URI1: variants seen among roughly 807,000 people sequenced by gnomAD.
URI1 encodes the protein unconventional prefoldin RPB5 interactor 1.
In URI1, 39 loss-of-function variants were observed where a neutral mutation model predicts 60.2. The ratio of observed to expected loss-of-function variants is 0.65; its 90% confidence interval spans 0.50 to 0.85. The LOEUF (loss-of-function observed/expected upper bound fraction) is 0.85, where lower values mean the gene tolerates loss of function less well. Among genes scored for constraint, URI1 ranks in the 40% least tolerant of loss-of-function variants. The pLI is 0.00. For missense variants in URI1, 691 were observed against 665.9 expected (o/e 1.04, Z -0.42); for synonymous variants, 251 against 236.8 (o/e 1.06, Z -0.55).
chr19:30,008,969 T>C (rs377655402), intron 7 of URI1, 36 bp from the exon 8 acceptor site: 151 of 1,467,626 alleles, frequency 1.0e-4, no homozygotes, highest in Non-Finnish European at 1.3e-4. Flanking sequence ...AATTCTAGTA[T>C]GTTTGTTTGA....
At chr19:29,997,044 C>T (rs2055821503) in intron 4 of URI1, among the ~76,000 whole-genome samples, 2 of 152,086 alleles carry the variant, frequency 1.3e-5, no homozygotes, top group African/African-American at 4.8e-5. Flanking sequence ...TATGTATATT[C>T]ATAAGAGAAA....
intron 1 of URI1, among the ~76,000 whole-genome samples, chr19:29,959,447 A>C (rs1190536484): frequency 1.3e-5 from 2 of 152,158 alleles, no homozygotes; most frequent in African/African-American, 2.4e-5. Context: ...TTCTAACTTA[A>C]ATGTTTGGAA....
upstream of URI1, among the ~76,000 whole-genome samples, chr19:29,941,941 T>C (rs2055028521): frequency 6.6e-6 from 1 of 151,232 alleles, no homozygotes. Context: ...GCGGCTCTTG[T>C]TGCCGAGCGT....
intron 4 of URI1, among the ~76,000 whole-genome samples, chr19:29,993,742 G>C (rs1377303943): frequency 6.6e-6 from 1 of 152,098 alleles, no homozygotes; most frequent in Non-Finnish European, 1.5e-5. Flanking sequence ...AAACAACTAT[G>C]CTTCCTTTTC....
At chr19:29,962,303 G>T (rs1337112561) in intron 1 of URI1, among the ~76,000 whole-genome samples, 2 of 129,884 alleles carry the variant, frequency 1.5e-5, no homozygotes, top group Non-Finnish European at 3.4e-5. Flanking sequence ...ATTTTGTATT[G>T]TTATTTCCTC....
chr19:29,981,405 G>A (rs1466429523), intron 2 of URI1, among the ~76,000 whole-genome samples: 2 of 151,354 alleles, frequency 1.3e-5, no homozygotes, highest in African/African-American at 2.4e-5. Flanking sequence ...TTTCCCATAG[G>A]TTCTGTCTTG....
intron 2 of URI1, chr19:29,980,323 T>C (rs747616291): frequency 6.6e-6 from 1 of 152,126 alleles, no homozygotes; most frequent in Non-Finnish European, 1.5e-5. Flanking sequence ...GTGGATTCAA[T>C]TGAAACAAGT....
At chr19:30,000,644 G>A (rs568546763) in intron 4 of URI1, among the ~76,000 whole-genome samples, 10 of 151,828 alleles carry the variant, frequency 6.6e-5, no homozygotes, top group East Asian at 5.8e-4. Flanking sequence ...TGCTATTTTC[G>A]TTTTCTTTGT....
intron 2 of URI1, among the ~76,000 whole-genome samples, chr19:29,983,977 C>G (rs1192143996): frequency 6.6e-6 from 1 of 152,176 alleles, no homozygotes; most frequent in African/African-American, 2.4e-5. Context: ...AGTTGATTCT[C>G]TCTTACCTTA....
In URI1 at chr19:30,011,576, G is replaced by A. The variant is rs149117209; in HGVS notation, c.1178+340G>A. Among the ~76,000 whole-genome samples, 888 of 151,356 alleles carry A rather than the reference G, an allele frequency of 5.9e-3. 10 individuals carry two copies. The highest frequency in any genetic ancestry group is 0.02 in the African/African-American group (844 of 41,232). ...TTCTACCACAGCCGTAACATGCTTG[G>A]CATGCAGTTTACCTTTTCAGAGTAG... On this transcript the variant is annotated intron_variant, in intron 9 of 10. Transcript: ENST00000392271.
At chr19:29,940,026 T>C (rs1217796235), upstream of URI1, among the ~76,000 whole-genome samples, 2 of 152,120 alleles carry the variant, frequency 1.3e-5, no homozygotes, top group Non-Finnish European at 2.9e-5. Context: ...GGATAATAGT[T>C]TAGAGGTGTG....
chr19:29,938,412 C>A (rs1179492508), upstream of URI1, among the ~76,000 whole-genome samples: 4 of 152,192 alleles, frequency 2.6e-5, no homozygotes, highest in Non-Finnish European at 5.9e-5. Flanking sequence ...AGAAGAGCAG[C>A]AAACCATTCA....
chr19:30,005,715 A>G lies in URI1; in HGVS notation c.517+7A>G, dbSNP rs2055933991. 2 of 1,610,140 alleles carry G rather than the reference A, an allele frequency of 1.2e-6. No homozygotes were observed. Among genetic ancestry groups the G allele is most frequent in the Non-Finnish European group, 1.7e-6 (2 of 1,178,242 alleles). On this transcript the variant is annotated splice_region_variant and intron_variant, in intron 6 of 10. Transcript: ENST00000392271. The stretch of plus-strand genomic sequence containing the variant: ...TGTGACTTCGAATTTAAAGGTAAGC[A>G]GTAAGATTGTTTTATGTGTAGCTGT...
intron 1 of URI1, among the ~76,000 whole-genome samples, chr19:29,935,700 C>CTTTTTT (rs34820413): frequency 0.028 from 3,711 of 131,692 alleles, 227 homozygotes; most frequent in African/African-American, 0.095. Context: ...GGTTGACAGT[C>CTTTTTT]TTTTTTTTTT....
At chr19:29,964,870 TCTTCTA>T (rs949556879) in intron 1 of URI1, among the ~76,000 whole-genome samples, 1 of 151,676 alleles carries the variant, frequency 6.6e-6, no homozygotes, top group Non-Finnish European at 1.5e-5. Flanking sequence ...TTTTTTTTTT[TCTTCTA>T]CTTGTATTTA....
intron 1 of URI1, among the ~76,000 whole-genome samples, chr19:29,958,709 C>T (rs2145282772): frequency 6.6e-6 from 1 of 151,744 alleles, no homozygotes; most frequent in Non-Finnish European, 1.5e-5. Flanking sequence ...CCTGTAATCC[C>T]AGCACTTTGG....
At chr19:29,930,628 G>A (rs2054908437) in intron 1 of URI1, among the ~76,000 whole-genome samples, 1 of 151,984 alleles carries the variant, frequency 6.6e-6, no homozygotes, top group African/African-American at 2.4e-5. Flanking sequence ...TACGCGAGAG[G>A]GTTTATTTTC....
chr19:29,983,334 A>G (rs2055621578), intron 2 of URI1: 1 of 152,174 alleles, frequency 6.6e-6, no homozygotes, highest in Non-Finnish European at 1.5e-5. Context: ...AAAAATACTG[A>G]TAAGTGACAT....
chr19:30,007,687 T>G (rs1305294180), intron 7 of URI1, 49 bp downstream of exon 7: 1 of 1,469,468 alleles, frequency 6.8e-7, no homozygotes, highest in African/African-American at 1.4e-5. Context: ...TCTATACACA[T>G]TTCCTCATTA....
Sources: gnomAD v4.1 joint callset for allele counts (sites outside exome capture counted in the v4.1 genomes callset) on GRCh38, gnomAD v4.1.1 for gene constraint, MANE v1.5 for transcripts, NCBI Gene and HGNC (gene_info 2026-07-23, HGNC 2026-07-21) for gene names.